MACROD2: variants seen among roughly 807,000 people sequenced by gnomAD.
The protein encoded by MACROD2 is ADP-ribose glycohydrolase MACROD2.
Under a neutral mutation model 70.4 loss-of-function variants are expected in MACROD2, and 36 were observed. The observed-to-expected ratio is 0.51, with a 90% CI of 0.39 to 0.68. MACROD2 has a LOEUF of 0.68. Among genes scored for constraint, MACROD2 ranks in the 30% least tolerant of loss-of-function variants. The probability of loss-of-function intolerance (pLI) is 0.00; values close to 1 mark genes in which losing one functional copy is unlikely to be tolerated. For missense variants in MACROD2, 496 were observed against 538.4 expected, an observed-to-expected ratio of 0.92 and a Z score of 0.78; for synonymous variants, 172 against 178.8, an observed-to-expected ratio of 0.96 and a Z score of 0.30.
At chr20:14,324,199 G>C (rs1482833269) in intron 3 of MACROD2, 1 of 152,442 alleles carries the variant, frequency 6.6e-6, no homozygotes, top group Non-Finnish European at 1.5e-5. Context: ...TGAAAAATTT[G>C]TGGAGTTTTA....
chr20:14,419,390 A>G (rs1441270595), intron 3 of MACROD2, among the ~76,000 whole-genome samples: 2 of 152,190 alleles, frequency 1.3e-5, no homozygotes, highest in Non-Finnish European at 2.9e-5. Flanking sequence ...TTTATTAGGT[A>G]TCTTCTAAAG....
chr20:14,577,794 A>AAAGAAGAGAAGAGAAGAG (rs775454835), intron 4 of MACROD2, among the ~76,000 whole-genome samples: 35 of 137,824 alleles, frequency 2.5e-4, no homozygotes, highest in African/African-American at 9.2e-4. Context: ...AAAGAAAAGG[A>AAAGAAGAGAAGAGAAGAG]AAGAGAAGAG....
intron 4 of MACROD2, 147 bp downstream of exon 4, chr20:14,493,655 A>G (rs1236328902): frequency 1.7e-6 from 1 of 601,382 alleles, no homozygotes; most frequent in Non-Finnish European, 3.0e-6. Flanking sequence ...AAAATAATTT[A>G]TAATATAAAT....
intron 5 of MACROD2, among the ~76,000 whole-genome samples, chr20:15,017,057 C>T (rs1018282764): frequency 6.6e-6 from 1 of 152,154 alleles, no homozygotes; most frequent in South Asian, 2.1e-4. Flanking sequence ...CAGCAGTCCT[C>T]CAAAGTCTTA....
At chr20:14,375,719 C>T (rs1267316995) in intron 3 of MACROD2, among the ~76,000 whole-genome samples, 2 of 152,062 alleles carry the variant, frequency 1.3e-5, no homozygotes, top group Non-Finnish European at 2.9e-5. Flanking sequence ...GGATTGTCTC[C>T]GGTTTTGCGT....
At chr20:14,573,097 A>C (rs1042745778) in intron 4 of MACROD2, among the ~76,000 whole-genome samples, 6 of 151,920 alleles carry the variant, frequency 3.9e-5, no homozygotes, top group Non-Finnish European at 7.4e-5. Context: ...TGTGATATGA[A>C]GGTGTTGTAG....
intron 13 of MACROD2, among the ~76,000 whole-genome samples, chr20:15,971,089 A>G (rs2066223621): frequency 6.6e-6 from 1 of 152,236 alleles, no homozygotes; most frequent in Non-Finnish European, 1.5e-5. Flanking sequence ...AATTATTGCA[A>G]GACAACTCTC....
intron 5 of MACROD2, among the ~76,000 whole-genome samples, chr20:14,934,444 A>G (rs1281472833): frequency 6.6e-5 from 10 of 152,176 alleles, no homozygotes; most frequent in African/African-American, 1.7e-4. Flanking sequence ...CAGACCATCA[A>G]TTGTGGTCTC....
At chr20:14,856,415 G>C (rs1407934567) in intron 5 of MACROD2, among the ~76,000 whole-genome samples, 2 of 152,126 alleles carry the variant, frequency 1.3e-5, no homozygotes, top group African/African-American at 2.4e-5. Flanking sequence ...AGTTATAAAA[G>C]CTATCTGAGC....
At chr20:14,954,722 G>GTA (rs2074507177) in intron 5 of MACROD2, among the ~76,000 whole-genome samples, 2 of 111,244 alleles carry the variant, frequency 1.8e-5, no homozygotes, top group South Asian at 2.7e-4. Context: ...ATATATAAAT[G>GTA]TATAAATATA....
intron 3 of MACROD2, among the ~76,000 whole-genome samples, chr20:14,359,539 C>A (rs988696085): frequency 6.6e-6 from 1 of 152,142 alleles, no homozygotes; most frequent in Non-Finnish European, 1.5e-5. Flanking sequence ...TTCATAATAG[C>A]CAAGATATGG....
intron 5 of MACROD2, among the ~76,000 whole-genome samples, chr20:15,131,076 G>A (rs2076101289): frequency 3.3e-5 from 5 of 151,978 alleles, no homozygotes; most frequent in Admixed American, 3.3e-4. Flanking sequence ...AGTTTATACG[G>A]GAAGCTAAAT....
At chr20:15,486,160 G>C (rs1431694813) in intron 7 of MACROD2, among the ~76,000 whole-genome samples, 1 of 151,902 alleles carries the variant, frequency 6.6e-6, no homozygotes, top group Admixed American at 6.6e-5. Flanking sequence ...TCCTCAGGAA[G>C]AGAATCTGAA....
intron 12 of MACROD2, among the ~76,000 whole-genome samples, chr20:15,955,277 A>G (rs1202682825): frequency 6.6e-6 from 1 of 152,194 alleles, no homozygotes; most frequent in East Asian, 1.9e-4. Flanking sequence ...CGTTGCTGAC[A>G]CACAGTCCTG....
At chr20:14,655,988 A>G (rs184293575) in intron 4 of MACROD2, among the ~76,000 whole-genome samples, 1 of 152,308 alleles carries the variant, frequency 6.6e-6, no homozygotes, top group Admixed American at 6.5e-5. Context: ...AAGGAGCTGT[A>G]GGGTCCCCTG....
intron 4 of MACROD2, among the ~76,000 whole-genome samples, chr20:14,611,408 T>C (rs1983148666): frequency 6.6e-6 from 1 of 151,776 alleles, no homozygotes; most frequent in Non-Finnish European, 1.5e-5. Context: ...TTGGTTCTGT[T>C]TGGGGTCTTC....
At chr20:14,086,114 G>T (rs1384975853) in intron 3 of MACROD2, 1 of 274,714 alleles carries the variant, frequency 3.6e-6, no homozygotes, top group Non-Finnish European at 7.5e-6. Flanking sequence ...AGGTTGTCAG[G>T]TGATGATTGA....
At chr20:15,555,948 T>C (rs1185690633) in intron 8 of MACROD2, among the ~76,000 whole-genome samples, 2 of 151,014 alleles carry the variant, frequency 1.3e-5, no homozygotes, top group Middle Eastern at 3.5e-3. Flanking sequence ...ATGAAGAACA[T>C]GTTTATTTGA....
intron 7 of MACROD2, among the ~76,000 whole-genome samples, chr20:15,494,716 T>A (rs1025421766): frequency 4.6e-5 from 7 of 151,106 alleles, no homozygotes; most frequent in Non-Finnish European, 8.8e-5. Flanking sequence ...AAGTATCTTA[T>A]ACCTTGAGCT....
Sources: gnomAD v4.1 joint callset for allele counts (sites outside exome capture counted in the v4.1 genomes callset) on GRCh38, gnomAD v4.1.1 for gene constraint, MANE v1.5 for transcripts, NCBI Gene and HGNC (gene_info 2026-07-23, HGNC 2026-07-21) for gene names.